BIN2: variants seen among roughly 807,000 people sequenced by gnomAD.
BIN2 encodes the protein bridging integrator 2.
BIN2 carries 43 observed loss-of-function variants against 67.9 expected under a neutral mutation model. The ratio of observed to expected loss-of-function variants is 0.63; its 90% CI spans 0.50 to 0.82. BIN2 has a LOEUF of 0.82. Among genes scored for constraint, BIN2 ranks in the 40% least tolerant of loss-of-function variants. The pLI is 0.00. For synonymous variants in BIN2, 244 were observed against 246.8 expected (o/e 0.99, Z 0.11); for missense variants, 581 against 671.6 (o/e 0.87, Z 1.49).
chr12:51,314,290 CA>C (rs1946070296), intron 1 of BIN2, among the ~76,000 whole-genome samples: 1 of 151,944 alleles, frequency 6.6e-6, no homozygotes, highest in African/African-American at 2.4e-5. Context: ...ACAAATGATC[CA>C]CCCGCCTTGG....
intron 1 of BIN2, among the ~76,000 whole-genome samples, chr12:51,317,415 C>T (rs898005923): frequency 1.3e-5 from 2 of 152,076 alleles, no homozygotes; most frequent in African/African-American, 4.8e-5. Flanking sequence ...CGCCTATAAT[C>T]CCAACACTTT....
chr12:51,309,627 C>T (rs1331163810), intron 2 of BIN2, among the ~76,000 whole-genome samples: 1 of 152,124 alleles, frequency 6.6e-6, no homozygotes, highest in Non-Finnish European at 1.5e-5. Flanking sequence ...CCTTCCGCTT[C>T]AGCCTCCCAA....
At chr12:51,308,110 T>TC (rs1322046424) in intron 2 of BIN2, among the ~76,000 whole-genome samples, 2 of 151,782 alleles carry the variant, frequency 1.3e-5, no homozygotes, top group Non-Finnish European at 2.9e-5. Flanking sequence ...GACCTATCTG[T>TC]CCCCCCCTGG....
chr12:51,302,059 C>T lies in BIN2; in HGVS notation c.369G>A (p.Arg123=), dbSNP rs1945736661. The change falls in exon 5 of 13, where the codon AGG becomes AGA. Residue 123 remains arginine (R), a synonymous_variant. Coordinates refer to ENST00000615107, the MANE Select transcript of BIN2 (RefSeq NM_016293.4). The stretch of plus-strand genomic sequence containing the variant: ...ACTGGGCAACATAGATTTCCATGGT[C>T]CTTACAGCCTGGTCAGCCAGTTTCT... ...YEEKLADQAV[R]TMEIYVAQFS... 1 of 1,613,784 alleles carries T rather than the reference C, an allele frequency of 6.2e-7. No individual in the cohort carries two copies.
intron 2 of BIN2, among the ~76,000 whole-genome samples, chr12:51,311,670 C>T (rs1002396139): frequency 6.6e-6 from 1 of 152,100 alleles, no homozygotes; most frequent in African/African-American, 2.4e-5. Flanking sequence ...CATAAGCCAC[C>T]ATGCCTGGCC....
At chr12:51,321,888 C>T (rs1011238684) in intron 1 of BIN2, among the ~76,000 whole-genome samples, 2 of 152,238 alleles carry the variant, frequency 1.3e-5, no homozygotes, top group Non-Finnish European at 2.9e-5. Context: ...TTATCTTGGT[C>T]TCAATAACTT....
In BIN2 at chr12:51,299,675, C is replaced by T; in HGVS notation, c.448G>A (p.Asp150Asn). 1 of 1,614,144 alleles carries T rather than the reference C, an allele frequency of 6.2e-7. No individual in the cohort carries two copies. The highest frequency in any genetic ancestry group is 8.5e-7 in the Non-Finnish European group (1 of 1,180,038). ...GCCTCCAGGTGGTGTCGGGCACTGT[C>T]ATAGTCCACGAGTTTCCGACCCCGC... ...AKRGRKLVDYDSARHHLEAVQ... is the reference protein window; with the variant it reads ...AKRGRKLVDYNSARHHLEAVQ... The change falls in exon 6 of 13, where the codon GAC becomes AAC. Residue 150 changes from aspartate to asparagine, a missense_variant. Asp to Asn is a conservative substitution (Grantham distance 23). Coordinates refer to ENST00000615107, the MANE Select transcript of BIN2 (RefSeq NM_016293.4).
At chr12:51,285,492 G>A (rs1187337066) in intron 11 of BIN2, among the ~76,000 whole-genome samples, 2 of 151,996 alleles carry the variant, frequency 1.3e-5, no homozygotes, top group Non-Finnish European at 2.9e-5. Flanking sequence ...AGAAAGCCCT[G>A]CCTAGAAACT....
chr12:51,289,759 G>A (rs1194840881), intron 10 of BIN2, among the ~76,000 whole-genome samples: 1 of 151,914 alleles, frequency 6.6e-6, no homozygotes, highest in Non-Finnish European at 1.5e-5. Flanking sequence ...CTGGTGCCCA[G>A]GCTGGAGTGT....
Position 51,299,667 on chromosome 12 carries a change from G to T in BIN2, c.456C>A (p.Ala152=). ...TCTGCACTGCCTCCAGGTGGTGTCG[G>T]GCACTGTCATAGTCCACGAGTTTCC... ...RGRKLVDYDS[A]RHHLEAVQNA... is the part of the protein sequence containing the mutation. The change falls in exon 6 of 13, where the codon GCC becomes GCA. Residue 152 remains alanine (A), a synonymous_variant. Transcript: ENST00000615107. 1 of 1,613,976 alleles carries T rather than the reference G, an allele frequency of 6.2e-7. No individual in the cohort carries two copies. The highest frequency in any genetic ancestry group is 1.7e-4 in the Middle Eastern group (1 of 6,058).
intron 1 of BIN2, among the ~76,000 whole-genome samples, chr12:51,318,408 CCCA>C (rs1946186629): frequency 6.6e-6 from 1 of 152,046 alleles, no homozygotes. Context: ...ATTACAGGTG[CCCA>C]CCACCACGCC....
At chr12:51,305,288 A>G (rs1945840118) in intron 2 of BIN2, among the ~76,000 whole-genome samples, 1 of 151,890 alleles carries the variant, frequency 6.6e-6, no homozygotes, top group African/African-American at 2.4e-5. Flanking sequence ...GTGAGCCGAG[A>G]GCAAAACTCC....
intron 9 of BIN2, among the ~76,000 whole-genome samples, chr12:51,293,279 T>C (rs1359624874): frequency 6.6e-6 from 1 of 151,028 alleles, no homozygotes; most frequent in Admixed American, 6.6e-5. Flanking sequence ...CTAGAATATA[T>C]CAGCCAAAAA....
intron 2 of BIN2, among the ~76,000 whole-genome samples, chr12:51,305,074 C>A (rs551645764): frequency 2.1e-4 from 32 of 152,170 alleles, no homozygotes; most frequent in African/African-American, 6.0e-4. Flanking sequence ...CGGTGGCTCA[C>A]GCCTGTAATC....
chr12:51,299,552 G>T (rs1945662381), intron 6 of BIN2, 55 bp downstream of exon 6: 7 of 1,524,442 alleles, frequency 4.6e-6, no homozygotes, highest in South Asian at 1.1e-5. Context: ...CTACCACCAT[G>T]GGGAGAAGGA....
chr12:51,291,605 A>C lies in BIN2; in HGVS notation c.1501T>G (p.Leu501Val). Residue 501 changes from leucine (L) to valine (V), a missense_variant, in exon 10 of 13, where the codon TTA becomes GTA. Transcript: ENST00000615107. ...ACTACTCTTACCTGAGATGTCATTA[A>C]GGTGGGGGAAGTACAAAGTTCTTCA... is the stretch of plus-strand genomic sequence containing the variant. ...NPEELCTSPTLMTSQVASEPG... is the reference protein window; with the variant it reads ...NPEELCTSPTVMTSQVASEPG... 6.2e-7 allele frequency: 1 copy of C among 1,601,832 alleles called. No homozygotes were observed. The highest frequency in any genetic ancestry group is 8.5e-7 in the Non-Finnish European group (1 of 1,176,444).
chr12:51,295,718 T>G, intron 9 of BIN2, 78 bp downstream of exon 9: 3 of 1,208,734 alleles, frequency 2.5e-6, no homozygotes, highest in Non-Finnish European at 3.6e-6. Context: ...CAGGTCAGGA[T>G]TCTGGACTGG....
intron 6 of BIN2, 101 bp downstream of exon 6, chr12:51,299,506 T>C (rs1945660958): frequency 8.8e-7 from 1 of 1,129,980 alleles, no homozygotes; most frequent in Non-Finnish European, 1.3e-6. Context: ...ATGCTGAATT[T>C]ATAATTTCCT....
rs574984756 is a variant in BIN2, at chr12:51,321,486, G to A, written c.81+2536C>T. Among the ~76,000 whole-genome samples the A allele has an allele frequency of 3.3e-5, 5 of 151,044 alleles. No individual in the cohort carries two copies. In the South Asian group the frequency reaches 8.4e-4, roughly 25 times the overall value. On this transcript the variant is annotated intron_variant, in intron 1 of 12. Coordinates refer to ENST00000615107, the MANE Select transcript of BIN2 (RefSeq NM_016293.4). Reference sequence around the variant, plus strand: ...GCGATCTCGGCTCACGGCAACCTCCGCCTCCCAGGTTCAAGCGATTCTCCT... The same window carrying A: ...GCGATCTCGGCTCACGGCAACCTCCACCTCCCAGGTTCAAGCGATTCTCCT...
Sources: gnomAD v4.1 joint callset for allele counts (sites outside exome capture counted in the v4.1 genomes callset) on GRCh38, gnomAD v4.1.1 for gene constraint, MANE v1.5 for transcripts, NCBI Gene and HGNC (gene_info 2026-07-23, HGNC 2026-07-21) for gene names.